DOCK11: variants seen among roughly 807,000 people sequenced by gnomAD.
DOCK11 encodes dedicator of cytokinesis protein 11.
Under a neutral mutation model 169.1 loss-of-function variants are expected in DOCK11, and 70 were observed. The ratio of observed to expected loss-of-function variants is 0.41; its 90% CI spans 0.34 to 0.51. The LOEUF (loss-of-function observed/expected upper bound fraction) is 0.51. Ranked by LOEUF, DOCK11 falls within the 20% of genes least tolerant of loss-of-function variation. The pLI is 0.10. For synonymous variants in DOCK11, 529 were observed against 541.3 expected, an observed-to-expected ratio of 0.98 and a Z score of 0.32; for missense variants, 1,166 against 1,538.8, an observed-to-expected ratio of 0.76 and a Z score of 4.05.
At chrX:118,630,648 G>T (rs2015215542) in intron 35 of DOCK11, among the ~76,000 whole-genome samples, 158 bp downstream of exon 35, 1 of 111,999 alleles carries the variant, frequency 8.9e-6, no homozygotes, top group Non-Finnish European at 1.9e-5. Flanking sequence ...TTCTTAAATT[G>T]AACTTCAAAA....
At chrX:118,580,892 C>G (rs1303059044) in intron 14 of DOCK11, among the ~76,000 whole-genome samples, 1 of 112,160 alleles carries the variant, frequency 8.9e-6, no homozygotes, top group Non-Finnish European at 1.9e-5. Context: ...GGAAAACATA[C>G]TGAAAATTCA....
intron 35 of DOCK11, among the ~76,000 whole-genome samples, chrX:118,630,853 C>T (rs1318218227): frequency 2.7e-5 from 3 of 112,095 alleles, no homozygotes; most frequent in African/African-American, 9.7e-5. Flanking sequence ...AATACTTCAG[C>T]TTTTATTTAA....
At chrX:118,533,858 G>A (rs773896462) in intron 1 of DOCK11, among the ~76,000 whole-genome samples, 1 of 112,169 alleles carries the variant, frequency 8.9e-6, no homozygotes, top group East Asian at 2.8e-4. Flanking sequence ...TAAAATAGTT[G>A]ATAGGCATAG....
At chrX:118,584,915 A>G in intron 15 of DOCK11, 58 bp downstream of exon 15, 2 of 1,158,704 alleles carry the variant, frequency 1.7e-6, no homozygotes, top group Non-Finnish European at 2.3e-6. Flanking sequence ...TCAGTTTTTT[A>G]AAATGATGAA....
At chrX:118,555,353 G>C (rs970452482) in intron 6 of DOCK11, among the ~76,000 whole-genome samples, 1 of 110,363 alleles carries the variant, frequency 9.1e-6, no homozygotes, top group African/African-American at 3.3e-5. Context: ...TCAGGAGTTC[G>C]AGACCAGCCT....
chrX:118,645,669 A>G (rs1331609684), intron 40 of DOCK11, among the ~76,000 whole-genome samples: 2 of 109,693 alleles, frequency 1.8e-5, no homozygotes, highest in Non-Finnish European at 3.8e-5. Flanking sequence ...CTCAAAAAAA[A>G]GAATTCATAA....
At position 118,542,797 on chromosome X, in the gene DOCK11, G is replaced by A. The variant is rs755602084; in HGVS notation, c.175G>A (p.Asp59Asn). The part of the protein sequence containing the change: ...IAQRKTQIYS[D>N]PLRDLLMFPM... ...CCAAAGAAAAACCCAGATTTACAGC[G>A]ACCCCCTCCGAGATCTGCTTATGTT... Residue 59 changes from aspartate (D) to asparagine (N), a missense_variant, in exon 2 of 53, where the codon GAC becomes AAC. By Grantham distance (23) the Asp-to-Asn change is conservative. Coordinates refer to ENST00000276202, the MANE Select transcript of DOCK11 (RefSeq NM_144658.4). 1 of 1,208,976 alleles carries A rather than the reference G, an allele frequency of 8.3e-7. No individual in the cohort carries two copies. The highest frequency in any genetic ancestry group is 1.8e-5 in the South Asian group (1 of 56,857).
intron 6 of DOCK11, among the ~76,000 whole-genome samples, chrX:118,549,542 T>C (rs2012417485): frequency 9.0e-6 from 1 of 111,468 alleles, no homozygotes; most frequent in African/African-American, 3.3e-5. Context: ...ACAACTTTTA[T>C]GTTTATTTTT....
At chrX:118,535,057 C>G (rs1286187640) in intron 1 of DOCK11, among the ~76,000 whole-genome samples, 2 of 112,225 alleles carry the variant, frequency 1.8e-5, no homozygotes, top group East Asian at 5.5e-4. Context: ...TGTTCAGCAT[C>G]ATCAGGGCGA....
At position 118,605,337 on chromosome X, in the gene DOCK11, G is replaced by A. The variant is rs759076573; in HGVS notation, c.2662G>A (p.Val888Ile). 7.6e-6 allele frequency: 9 copies of A among 1,179,236 alleles called. No homozygotes were observed. The highest frequency in any genetic ancestry group is 2.3e-5 in the Admixed American group (1 of 42,977). Residue 888 changes from valine to isoleucine, a missense_variant, in exon 24 of 53, where the codon GTT becomes ATT. Transcript: ENST00000276202. ...CACAAATATGACCCATGAAGATGAC[G>A]TTCCTATCAACTGCACCATGTGAGT... ...VLTNMTHEDD[V>I]PINCTMVLLH...
At chrX:118,525,237 A>T (rs1033507650) in intron 1 of DOCK11, among the ~76,000 whole-genome samples, 6 of 111,759 alleles carry the variant, frequency 5.4e-5, no homozygotes, top group Non-Finnish European at 1.1e-4. Context: ...AGGGACTCAG[A>T]TACTTGTTTC....
In DOCK11 at chrX:118,680,708, CA is replaced by C; in HGVS notation, c.5671+17del. The stretch of plus-strand genomic sequence containing the variant: ...ATCTTGACAAGTAAGTACAATTTTA[CA>C]TATTAACTTCTTATTTGTCTTGGTC... On this transcript the variant is annotated intron_variant, in intron 49 of 52. Transcript: ENST00000276202. 1 of 1,121,643 alleles carries C rather than the reference CA, an allele frequency of 8.9e-7. No homozygotes were observed. Among genetic ancestry groups the C allele is most frequent in the East Asian group, 3.2e-5 (1 of 31,693 alleles). 92.4% of individuals were successfully genotyped at this position (1,121,643 alleles called of 1,213,427 possible). A position where few individuals can be genotyped will look rare whatever the true frequency, so the allele number is the denominator to read the frequency against.
intron 42 of DOCK11, among the ~76,000 whole-genome samples, chrX:118,653,480 T>C (rs1279220954): frequency 9.0e-6 from 1 of 111,580 alleles, no homozygotes; most frequent in African/African-American, 3.3e-5. Context: ...TGGCCCGATC[T>C]TGGCTCACTG....
intron 35 of DOCK11, chrX:118,632,380 G>C (rs2147498312): frequency 8.9e-6 from 1 of 112,256 alleles, no homozygotes; most frequent in East Asian, 2.8e-4. Context: ...GTAGTCTTCT[G>C]CTCTTGCTTT....
rs1426046732 is a variant in DOCK11, at chrX:118,578,608, C to A, written c.1473C>A (p.His491Gln). ...IEKVLQGNIT[H>Q]CAEPYIKNSD... ...AGGTACTACAGGGAAACATTACACA[C>A]TGTGCAGAACCCTATATCAAAAATT... The change falls in exon 13 of 53, where the codon CAC becomes CAA. Residue 491 changes from histidine to glutamine, a missense_variant. His to Gln is a conservative substitution (Grantham distance 24). Transcript: ENST00000276202. The A allele has an allele frequency of 8.3e-7, 1 of 1,204,118 alleles. No homozygotes were observed. Among genetic ancestry groups the A allele is most frequent in the Non-Finnish European group, 1.1e-6 (1 of 891,349 alleles).
At chrX:118,564,973 T>A (rs2013033614) in intron 7 of DOCK11, among the ~76,000 whole-genome samples, 1 of 110,307 alleles carries the variant, frequency 9.1e-6, no homozygotes, top group African/African-American at 3.3e-5. Flanking sequence ...TCTCACTGTG[T>A]CGCCCCGGCT....
chrX:118,674,729 T>C (rs2147588087), intron 46 of DOCK11, among the ~76,000 whole-genome samples: 1 of 112,561 alleles, frequency 8.9e-6, no homozygotes, highest in South Asian at 3.7e-4. Flanking sequence ...GTTTAACTTT[T>C]TGAGGACCCA....
At chrX:118,553,972 ATCAACAAAT>A (rs1296414852) in intron 6 of DOCK11, among the ~76,000 whole-genome samples, 1 of 111,996 alleles carries the variant, frequency 8.9e-6, no homozygotes, top group African/African-American at 3.2e-5. Context: ...ACTATTGGGT[ATCAACAAAT>A]TCATGACCAA....
chrX:118,685,560 C>T, intron 52 of DOCK11, 128 bp from the exon 53 acceptor site: 1 of 873,417 alleles, frequency 1.1e-6, no homozygotes, highest in Non-Finnish European at 1.6e-6. Flanking sequence ...TTTGCTCTCT[C>T]TGCTTTCTGT....
Sources: gnomAD v4.1 joint callset for allele counts (sites outside exome capture counted in the v4.1 genomes callset) on GRCh38, gnomAD v4.1.1 for gene constraint, MANE v1.5 for transcripts, NCBI Gene and HGNC (gene_info 2026-07-23, HGNC 2026-07-21) for gene names.